Variants in FNDC1 observed in about 807,000 individuals in gnomAD.
FNDC1 encodes the protein fibronectin type III domain-containing protein 1.
A neutral mutation model predicts 168.0 loss-of-function variants in FNDC1; 96 were observed. The observed-to-expected ratio is 0.57, with a 90% confidence interval of 0.48 to 0.68. FNDC1 has a LOEUF of 0.68. Ranked by LOEUF, FNDC1 falls within the 30% of genes least tolerant of loss-of-function variation. FNDC1 has a pLI of 0.00. For missense variants in FNDC1, 2,587 were observed against 2,482.1 expected (o/e 1.04, Z -0.90); for synonymous variants, 1,099 against 1,025.9 (o/e 1.07, Z -1.36).
At chr6:159,269,514 G>C (rs57531834) in intron 22 of FNDC1, among the ~76,000 whole-genome samples, 40,574 of 81,176 alleles carry the variant, frequency 0.5, 10,963 homozygotes, top group Middle Eastern at 0.62. Context: ...ATCCATCCAT[G>C]CATCCATCCA....
At chr6:159,251,964 C>CT (rs1196270511) in intron 17 of FNDC1, among the ~76,000 whole-genome samples, 1 of 152,164 alleles carries the variant, frequency 6.6e-6, no homozygotes, top group Non-Finnish European at 1.5e-5. Flanking sequence ...ACATTTGTCC[C>CT]TTTTTGGAGT....
chr6:159,186,941 T>G (rs1452919245), intron 1 of FNDC1, among the ~76,000 whole-genome samples: 3 of 152,210 alleles, frequency 2.0e-5, no homozygotes, highest in African/African-American at 7.2e-5. Flanking sequence ...TGCATGAAAG[T>G]TTGGCCTTTT....
At chr6:159,220,498 A>G (rs1782800129) in intron 5 of FNDC1, among the ~76,000 whole-genome samples, 1 of 152,246 alleles carries the variant, frequency 6.6e-6, no homozygotes, top group African/African-American at 2.4e-5. Context: ...GGAGTGAGGC[A>G]TTAGCAATTT....
At chr6:159,222,049 G>T (rs990014570) in intron 6 of FNDC1, among the ~76,000 whole-genome samples, 1 of 152,194 alleles carries the variant, frequency 6.6e-6, no homozygotes, top group African/African-American at 2.4e-5. Context: ...AGAGCAGGCG[G>T]GAGGTGGTGC....
At chr6:159,193,218 G>A (rs748078655) in intron 1 of FNDC1, among the ~76,000 whole-genome samples, 1 of 152,006 alleles carries the variant, frequency 6.6e-6, no homozygotes, top group Non-Finnish European at 1.5e-5. Flanking sequence ...CAGGGTTTTA[G>A]CTTCTTAGAA....
Position 159,169,665 on chromosome 6 carries a change from G to C in FNDC1, c.69G>C (p.Leu23Phe). The change falls in exon 1 of 23, where the codon TTG becomes TTC. Residue 23 changes from leucine to phenylalanine, a missense_variant. Leu to Phe is a conservative substitution (Grantham distance 22). Transcript: ENST00000297267. This position sits in a 1 kb window ranked among gnomAD's most constrained non-coding sequence, Gnocchi z 6.8. ...RRLSWAALLL[L>F]AALLPVASSA... ...TGTCCTGGGCGGCGCTGCTGCTCTT[G>C]GCCGCGCTGCTCCCCGTCGCCTCCT... 8.6e-7 allele frequency: 1 copy of C among 1,165,462 alleles called. No individual in the cohort carries two copies. The highest frequency in any genetic ancestry group is 1.1e-6 in the Non-Finnish European group (1 of 946,186). The allele number at this position is 1,165,462 out of a possible 1,614,324, so 72.2% of individuals were successfully genotyped here.
chr6:159,189,769 T>C (rs909864375), intron 1 of FNDC1, among the ~76,000 whole-genome samples: 2 of 152,234 alleles, frequency 1.3e-5, no homozygotes, highest in African/African-American at 4.8e-5. Flanking sequence ...ACAGCACTAC[T>C]TTTGGACTTT....
At chr6:159,212,027 TG>T (rs140069947) in intron 4 of FNDC1, among the ~76,000 whole-genome samples, 2,681 of 152,338 alleles carry the variant, frequency 0.018, 71 homozygotes, top group African/African-American at 0.062. Context: ...GCAAAGCCAG[TG>T]GCACAAATCC....
intron 1 of FNDC1, among the ~76,000 whole-genome samples, chr6:159,173,825 A>G (rs1781709576): frequency 1.3e-5 from 2 of 152,168 alleles, no homozygotes; most frequent in African/African-American, 4.8e-5. Flanking sequence ...GGGAGAATCT[A>G]TTTCCATGCT....
intron 22 of FNDC1, among the ~76,000 whole-genome samples, chr6:159,270,702 G>GT (rs913873880): frequency 7.9e-5 from 12 of 152,168 alleles, no homozygotes; most frequent in Non-Finnish European, 1.3e-4. Flanking sequence ...AATGCTACAG[G>GT]TTTTTTTTGA....
rs909625875 is a variant in FNDC1 at position 159,236,446 on chromosome 6, T to C, written c.4068+131T>C. Reference sequence around the variant, plus strand: ...TTCTCTAGTTTTAACTACTTATATGTACTTGTATAGAGTTTATTTTAATAC... The same window carrying C: ...TTCTCTAGTTTTAACTACTTATATGCACTTGTATAGAGTTTATTTTAATAC... On this transcript the variant is annotated intron_variant, in intron 12 of 22. Coordinates refer to ENST00000297267, the MANE Select transcript of FNDC1 (RefSeq NM_032532.3). 1.4e-5 allele frequency: 9 copies of C among 651,020 alleles called. No individual in the cohort carries two copies. The Middle Eastern group carries it at 9.9e-4, about 71-fold the overall frequency. 40.3% of individuals were successfully genotyped at this position (651,020 alleles called of 1,614,324 possible). A position where few individuals can be genotyped will look rare whatever the true frequency, so the allele number is the denominator to read the frequency against.
intron 4 of FNDC1, among the ~76,000 whole-genome samples, chr6:159,206,765 A>C (rs561390643): frequency 2.4e-4 from 36 of 152,328 alleles, no homozygotes; most frequent in African/African-American, 6.7e-4. Flanking sequence ...AGATGTGTGC[A>C]TCTGTAAACT....
intron 9 of FNDC1, among the ~76,000 whole-genome samples, chr6:159,227,699 A>G (rs1366838940): frequency 1.3e-5 from 2 of 149,460 alleles, no homozygotes; most frequent in Non-Finnish European, 3.0e-5. Flanking sequence ...AAAAATATTA[A>G]TTTGGTCCCT....
At chr6:159,257,846 T>A (rs1048470048) in intron 18 of FNDC1, among the ~76,000 whole-genome samples, 1 of 152,136 alleles carries the variant, frequency 6.6e-6, no homozygotes, top group Non-Finnish European at 1.5e-5. Context: ...TGGCAAGTTA[T>A]TTTTTTAATC....
At chr6:159,196,469 T>C (rs1290920557) in intron 1 of FNDC1, among the ~76,000 whole-genome samples, 2 of 152,234 alleles carry the variant, frequency 1.3e-5, no homozygotes, top group Non-Finnish European at 2.9e-5. Flanking sequence ...ACATACTAAC[T>C]CACATATGTG....
At chr6:159,215,323 A>T (rs187090722) in intron 5 of FNDC1, among the ~76,000 whole-genome samples, 172 bp downstream of exon 5, 4 of 152,362 alleles carry the variant, frequency 2.6e-5, no homozygotes, top group African/African-American at 9.6e-5. Flanking sequence ...GGACGCCATC[A>T]TTTTAACCTT....
chr6:159,236,527 A>G (rs1279443184), intron 12 of FNDC1, among the ~76,000 whole-genome samples: 1 of 152,230 alleles, frequency 6.6e-6, no homozygotes, highest in Non-Finnish European at 1.5e-5. Context: ...CATAGCCAAG[A>G]TAAGGCATGG....
intron 1 of FNDC1, among the ~76,000 whole-genome samples, chr6:159,188,663 C>T (rs1244748170): frequency 6.6e-6 from 1 of 152,018 alleles, no homozygotes; most frequent in Non-Finnish European, 1.5e-5. Context: ...CAGGCGTGAG[C>T]CACTGCGCCC....
Position 159,180,441 on chromosome 6 carries a change from C to T in FNDC1, c.109+10736C>T, listed in dbSNP as rs563224255. On this transcript the variant is annotated intron_variant, in intron 1 of 22. Transcript: ENST00000297267. ...AACTCATAACGTGTGGTGTGCTTAC[C>T]AACATGATTCCTTTTCTTTTTTTAA... Among the ~76,000 whole-genome samples, 5 of 152,116 alleles carry T rather than the reference C, an allele frequency of 3.3e-5. No homozygotes were observed. The East Asian group carries it at 9.7e-4, about 29-fold the overall frequency.
Sources: allele counts gnomAD v4.1 joint callset (sites outside exome capture counted in the v4.1 genomes callset), GRCh38; gene constraint gnomAD v4.1.1; non-coding constraint Gnocchi (gnomAD v3.1); transcripts MANE v1.5; gene names NCBI Gene and HGNC (gene_info 2026-07-23, HGNC 2026-07-21).